Variants in FYB1 observed in about 807,000 individuals in gnomAD.
The protein encoded by FYB1 is FYN-binding protein 1.
FYB1 carries 41 observed loss-of-function variants against 94.1 expected under a neutral mutation model. That is an observed-to-expected ratio of 0.44 (90% CI 0.34 to 0.57). The LOEUF is 0.57. FYB1 is among the 20% of genes least tolerant of loss of function. The probability of loss-of-function intolerance (pLI) is 0.02; values close to 1 mark genes in which losing one functional copy is unlikely to be tolerated. For missense variants in FYB1, 1,050 were observed against 976.8 expected, an observed-to-expected ratio of 1.07 and a Z score of -1.00; for synonymous variants, 367 against 353.2, an observed-to-expected ratio of 1.04 and a Z score of -0.44.
chr5:39,243,494 G>A (rs985863003), intron 1 of FYB1, among the ~76,000 whole-genome samples: 4 of 151,858 alleles, frequency 2.6e-5, no homozygotes, highest in African/African-American at 7.3e-5. Flanking sequence ...TGTTCCATTG[G>A]TCTATATCTC....
At chr5:39,130,710 A>G in intron 9 of FYB1, 98 bp from the exon 10 acceptor site, 1 of 982,566 alleles carries the variant, frequency 1.0e-6, no homozygotes, top group South Asian at 1.4e-5. Flanking sequence ...AAGAGAAATA[A>G]CATTCCAGTC....
intron 16 of FYB1, among the ~76,000 whole-genome samples, chr5:39,113,717 TG>T (rs571095442): frequency 3.3e-5 from 5 of 152,154 alleles, no homozygotes; most frequent in Non-Finnish European, 5.9e-5. Context: ...TCATTTGTTG[TG>T]GGTAAATCCA....
chr5:39,110,239 T>A (rs1453267400), intron 17 of FYB1, 117 bp downstream of exon 17: 9 of 623,462 alleles, frequency 1.4e-5, no homozygotes, highest in Non-Finnish European at 1.1e-5. Context: ...ATATTGTTTT[T>A]AAATTTATTT....
At chr5:39,147,530 C>G (rs1213836016) in intron 3 of FYB1, among the ~76,000 whole-genome samples, 1 of 150,528 alleles carries the variant, frequency 6.6e-6, no homozygotes, top group Admixed American at 6.6e-5. Context: ...ATAACTTTGG[C>G]CTCAACTACT....
intron 1 of FYB1, among the ~76,000 whole-genome samples, chr5:39,252,667 C>A (rs1239839479): frequency 6.6e-6 from 1 of 152,028 alleles, no homozygotes; most frequent in Non-Finnish European, 1.5e-5. Context: ...GTTTATGAAA[C>A]AGCAAGTTCT....
In FYB1 at chr5:39,136,700, G is replaced by A. The variant is rs565491595; in HGVS notation, c.1515+900C>T. On this transcript the variant is annotated intron_variant, in intron 7 of 18. Transcript: ENST00000512982. ...ACTGGAATTTGAATCAGTTTGTCTGGCTGACTTGATGCTATACATTTTCCT... is the reference window on the plus strand; with the variant it reads ...ACTGGAATTTGAATCAGTTTGTCTGACTGACTTGATGCTATACATTTTCCT... Among the ~76,000 whole-genome samples, 6 of 152,282 alleles carry A rather than the reference G, an allele frequency of 3.9e-5. No homozygotes were observed. The South Asian group carries it at 1.2e-3, about 32-fold the overall frequency.
rs866530953 is a variant in FYB1 at position 39,153,526 on chromosome 5, G to A, written c.1214C>T (p.Pro405Leu). 4 of 1,613,928 alleles carry A rather than the reference G, an allele frequency of 2.5e-6. No individual in the cohort carries two copies. Among genetic ancestry groups the A allele is most frequent in the Non-Finnish European group, 2.5e-6 (3 of 1,179,858 alleles). Reference sequence around the variant, plus strand: ...TTGTGATGGGTGAGATGCTGGCAATGGTGGTTGGCTGGCCGGATGGGATGG... The same window carrying A: ...TTGTGATGGGTGAGATGCTGGCAATAGTGGTTGGCTGGCCGGATGGGATGG... Reference protein sequence around the residue: ...PPPSHPASQPPLPASHPSQPP... With the variant: ...PPPSHPASQPLLPASHPSQPP... The change falls in exon 3 of 19, where the codon CCA (proline) becomes CTA (leucine). Residue 405 changes from proline to leucine, a missense_variant. By Grantham distance (98) the Pro-to-Leu change is moderately conservative. Coordinates refer to ENST00000512982, the MANE Select transcript of FYB1 (RefSeq NM_001465.6).
intron 1 of FYB1, among the ~76,000 whole-genome samples, chr5:39,231,425 T>C (rs905897359): frequency 1.3e-5 from 2 of 152,130 alleles, no homozygotes; most frequent in African/African-American, 4.8e-5. Context: ...ATGGCAAAGT[T>C]GAATAAGAAA....
chr5:39,227,330 T>C (rs72736546), intron 1 of FYB1, among the ~76,000 whole-genome samples: 3,612 of 152,346 alleles, frequency 0.024, 70 homozygotes, highest in Admixed American at 0.037. Context: ...TTAAATGTTA[T>C]GAAATTATTA....
chr5:39,255,303 T>A (rs753960958), intron 1 of FYB1, among the ~76,000 whole-genome samples: 2 of 152,180 alleles, frequency 1.3e-5, no homozygotes, highest in Non-Finnish European at 2.9e-5. Flanking sequence ...TTTAAAAAAA[T>A]TTTAAGCATT....
chr5:39,141,089 G>A lies in FYB1; in HGVS notation c.1339+6C>T, dbSNP rs547122448. 39 of 1,570,450 alleles carry A rather than the reference G, an allele frequency of 2.5e-5. No individual in the cohort carries two copies. Among genetic ancestry groups the A allele is most frequent in the Middle Eastern group, 1.7e-4 (1 of 5,980 alleles). On this transcript the variant is annotated splice_donor_region_variant and intron_variant, in intron 4 of 18. Transcript: ENST00000512982. ...TAAATAAATAAAATATGTTTTTGTCGTTTACCATCAGAGTGCGTGACACCA... is the reference window on the plus strand; with the variant it reads ...TAAATAAATAAAATATGTTTTTGTCATTTACCATCAGAGTGCGTGACACCA...
At chr5:39,262,716 T>C (rs78174335) in intron 1 of FYB1, among the ~76,000 whole-genome samples, 16,162 of 152,130 alleles carry the variant, frequency 0.11, 1,040 homozygotes, top group African/African-American at 0.18. Flanking sequence ...ACAATAGAAT[T>C]ACACAGCAAT....
In FYB1 at chr5:39,142,760, A is replaced by G. The variant is rs76720916; in HGVS notation, c.1293-1619T>C. Among the ~76,000 whole-genome samples the G allele has an allele frequency of 0.011, 1,720 of 152,156 alleles. 73 individuals carry two copies. In the East Asian group the frequency reaches 0.14, roughly 12 times the overall value. ...CTTTCCCGACTGCAATCTTTCCCCTATTGCCACTTCTTCCCTGAGAGTATT... is the reference window on the plus strand; with the variant it reads ...CTTTCCCGACTGCAATCTTTCCCCTGTTGCCACTTCTTCCCTGAGAGTATT... On this transcript the variant is annotated intron_variant, in intron 3 of 18. Transcript: ENST00000512982.
At chr5:39,242,519 T>G (rs1655882918) in intron 1 of FYB1, among the ~76,000 whole-genome samples, 1 of 152,158 alleles carries the variant, frequency 6.6e-6, no homozygotes, top group Admixed American at 6.6e-5. Flanking sequence ...TGTGCCACAT[T>G]TTCTTAATCC....
chr5:39,120,326 C>T (rs1397448828), intron 14 of FYB1, among the ~76,000 whole-genome samples: 1 of 151,688 alleles, frequency 6.6e-6, no homozygotes, highest in Non-Finnish European at 1.5e-5. Context: ...GTGTTTAGAT[C>T]AGTTAATGGA....
intron 1 of FYB1, among the ~76,000 whole-genome samples, chr5:39,264,576 C>T (rs1453380805): frequency 2.6e-5 from 4 of 152,182 alleles, no homozygotes; most frequent in African/African-American, 7.2e-5. Flanking sequence ...GGTCTTTTTA[C>T]AGCTCCAAGC....
intron 15 of FYB1, 23 bp downstream of exon 15, chr5:39,119,512 T>C (rs2150279631): frequency 1.4e-6 from 2 of 1,477,192 alleles, no homozygotes; most frequent in East Asian, 2.5e-5. Flanking sequence ...TTGTACTTTG[T>C]ATAATATTTA....
intron 1 of FYB1, among the ~76,000 whole-genome samples, chr5:39,243,883 A>G (rs540456168): frequency 6.6e-6 from 1 of 152,118 alleles, no homozygotes; most frequent in East Asian, 1.9e-4. Flanking sequence ...GTTCCTAGGT[A>G]TTTTATTCTC....
chr5:39,183,908 C>G (rs934115799), intron 2 of FYB1, among the ~76,000 whole-genome samples: 12 of 152,062 alleles, frequency 7.9e-5, no homozygotes, highest in African/African-American at 2.7e-4. Context: ...CATCTAAGCT[C>G]ATTCTGGTAT....
Sources: allele counts gnomAD v4.1 joint callset (sites outside exome capture counted in the v4.1 genomes callset), GRCh38; gene constraint gnomAD v4.1.1; transcripts MANE v1.5; gene names NCBI Gene and HGNC (gene_info 2026-07-23, HGNC 2026-07-21).